Variants in PTPRD observed in about 807,000 individuals in gnomAD.
The protein encoded by PTPRD is protein tyrosine phosphatase receptor type D.
PTPRD carries 34 observed loss-of-function variants against 214.5 expected under a neutral mutation model. The observed-to-expected ratio is 0.16, with a 90% CI of 0.12 to 0.21. The LOEUF (loss-of-function observed/expected upper bound fraction) is 0.21, where lower values mean the gene tolerates loss of function less well. Ranked by LOEUF, PTPRD falls within the 10% of genes least tolerant of loss-of-function variation. PTPRD has a pLI of 1.00. For synonymous variants in PTPRD, 1,128 were observed against 845.7 expected, an observed-to-expected ratio of 1.33 and a Z score of -5.79; for missense variants, 2,545 against 2,398.7, an observed-to-expected ratio of 1.06 and a Z score of -1.27.
intron 3 of PTPRD, among the ~76,000 whole-genome samples, chr9:10,091,890 G>A (rs2098435772): frequency 6.6e-6 from 1 of 151,262 alleles, no homozygotes; most frequent in Non-Finnish European, 1.5e-5. Context: ...TTCTCTCCCG[G>A]AAATTATTAA....
chr9:8,792,484 G>C (rs1020789692), intron 11 of PTPRD, among the ~76,000 whole-genome samples: 2 of 152,090 alleles, frequency 1.3e-5, no homozygotes, highest in African/African-American at 4.8e-5. Context: ...ATGGAGGTGA[G>C]CATTCAGTTC....
At position 9,869,228 on chromosome 9, in the gene PTPRD, T is replaced by C. The variant is rs117463938; in HGVS notation, c.-368+69279A>G. On this transcript the variant is annotated intron_variant, in intron 5 of 45. Transcript: ENST00000381196. ...ACCAAATAGGCTGCAAATATTCATG[T>C]GATCAAATGGCTGACAAAGGAAAGT... is the stretch of plus-strand genomic sequence containing the variant. 1.6e-3 allele frequency among the ~76,000 whole-genome samples: 242 copies of C among 152,298 alleles called. 1 individual carries two copies. Among genetic ancestry groups the C allele is most frequent in the South Asian group, 5.4e-3 (26 of 4,834 alleles).
chr9:8,322,411 A>C (rs183712070), intron 44 of PTPRD, among the ~76,000 whole-genome samples: 2 of 152,316 alleles, frequency 1.3e-5, no homozygotes, highest in East Asian at 3.9e-4. Flanking sequence ...GAACACATGA[A>C]TGATAAGGAA....
At chr9:10,130,871 G>C (rs1312749502) in intron 3 of PTPRD, among the ~76,000 whole-genome samples, 1 of 152,066 alleles carries the variant, frequency 6.6e-6, no homozygotes, top group Non-Finnish European at 1.5e-5. Flanking sequence ...GGGAAACAAG[G>C]CTCTCAGACC....
chr9:8,852,565 G>C (rs568926159), intron 11 of PTPRD, among the ~76,000 whole-genome samples: 2 of 152,194 alleles, frequency 1.3e-5, no homozygotes, highest in African/African-American at 4.8e-5. Context: ...TTTGCTCGTC[G>C]CAGGTGAAGA....
intron 5 of PTPRD, among the ~76,000 whole-genome samples, chr9:9,783,343 A>G (rs2098877874): frequency 6.6e-6 from 1 of 152,150 alleles, no homozygotes; most frequent in South Asian, 2.1e-4. Flanking sequence ...TGAGCTAATA[A>G]TTGGACTAGG....
chr9:10,526,734 T>C (rs1302042240), intron 2 of PTPRD, among the ~76,000 whole-genome samples: 1 of 152,090 alleles, frequency 6.6e-6, no homozygotes, highest in African/African-American at 2.4e-5. Context: ...CTACTGGCAA[T>C]AGATACAGTA....
chr9:9,575,987 T>C (rs1385131902), intron 7 of PTPRD, among the ~76,000 whole-genome samples: 1 of 152,022 alleles, frequency 6.6e-6, no homozygotes, highest in African/African-American at 2.4e-5. Flanking sequence ...CTTTAGAAAA[T>C]TCATAAATGA....
chr9:9,575,272 T>G (rs2088092062), intron 7 of PTPRD, among the ~76,000 whole-genome samples: 1 of 152,210 alleles, frequency 6.6e-6, no homozygotes, highest in Non-Finnish European at 1.5e-5. Flanking sequence ...CTATAAAGTA[T>G]GTAATAATTT....
At chr9:8,706,884 T>G (rs912420653) in intron 12 of PTPRD, among the ~76,000 whole-genome samples, 2 of 152,148 alleles carry the variant, frequency 1.3e-5, no homozygotes, top group African/African-American at 4.8e-5. Flanking sequence ...CAGGTTAGCA[T>G]TATCCTCCCG....
At chr9:10,293,656 A>G (rs2095594534) in intron 3 of PTPRD, among the ~76,000 whole-genome samples, 1 of 151,954 alleles carries the variant, frequency 6.6e-6, no homozygotes, top group African/African-American at 2.4e-5. Flanking sequence ...CTTTCTCCCC[A>G]TGATGGCAAA....
chr9:8,367,241 G>A (rs149558619), intron 39 of PTPRD, among the ~76,000 whole-genome samples: 4 of 151,424 alleles, frequency 2.6e-5, no homozygotes, highest in Non-Finnish European at 4.4e-5. Flanking sequence ...TTTTTTTTAA[G>A]TTAGAAGCTT....
intron 10 of PTPRD, among the ~76,000 whole-genome samples, chr9:9,147,682 C>T (rs1342902963): frequency 6.6e-6 from 1 of 152,074 alleles, no homozygotes; most frequent in Non-Finnish European, 1.5e-5. Context: ...CAATTGCTTG[C>T]CACAGAGACC....
chr9:9,816,648 G>A (rs2048865686), intron 5 of PTPRD, among the ~76,000 whole-genome samples: 1 of 151,926 alleles, frequency 6.6e-6, no homozygotes, highest in South Asian at 2.1e-4. Context: ...ATGGAAAAAG[G>A]GAAGACCTTT....
At chr9:8,517,715 T>C (rs1564002543) in intron 21 of PTPRD, 133 bp downstream of exon 21, 3 of 711,322 alleles carry the variant, frequency 4.2e-6, no homozygotes, top group Non-Finnish European at 4.7e-6. Flanking sequence ...ATATCTATCA[T>C]CTGTTGCTTT....
intron 11 of PTPRD, among the ~76,000 whole-genome samples, chr9:8,875,881 C>T (rs1190919993): frequency 3.9e-5 from 6 of 152,112 alleles, no homozygotes; most frequent in African/African-American, 1.4e-4. Context: ...AAAAACAGAT[C>T]CACTTCTTCC....
chr9:10,325,505 AC>A (rs1179910859), intron 3 of PTPRD, among the ~76,000 whole-genome samples: 1 of 151,948 alleles, frequency 6.6e-6, no homozygotes, highest in Admixed American at 6.6e-5. Flanking sequence ...TCTCTTAATT[AC>A]AAGGAAAGAG....
chr9:9,663,259 G>A (rs144008899), intron 7 of PTPRD, among the ~76,000 whole-genome samples: 40 of 150,920 alleles, frequency 2.7e-4, no homozygotes, highest in African/African-American at 8.5e-4. Flanking sequence ...TTTTTAAATA[G>A]GATTATATAA....
intron 39 of PTPRD, among the ~76,000 whole-genome samples, chr9:8,374,491 G>A (rs2082631872): frequency 6.6e-6 from 1 of 151,962 alleles, no homozygotes; most frequent in Non-Finnish European, 1.5e-5. Flanking sequence ...GCAGAAAACT[G>A]CAACTGGAGT....
Sources: allele counts gnomAD v4.1 joint callset (sites outside exome capture counted in the v4.1 genomes callset), GRCh38; gene constraint gnomAD v4.1.1; transcripts MANE v1.5; gene names NCBI Gene and HGNC (gene_info 2026-07-23, HGNC 2026-07-21).